ATG7: variants seen among roughly 807,000 people sequenced by gnomAD.
The protein encoded by ATG7 is autophagy related 7, also known as ubiquitin-like modifier-activating enzyme ATG7.
ATG7 carries 70 observed loss-of-function variants against 82.4 expected under a neutral mutation model. That is an observed-to-expected ratio of 0.85 (90% CI 0.70 to 1.04). The LOEUF is 1.04. ATG7 is among the 50% of genes least tolerant of loss of function. ATG7 has a pLI of 0.00. For synonymous variants in ATG7, 287 were observed against 313.0 expected (o/e 0.92, Z 0.88); for missense variants, 792 against 864.3 (o/e 0.92, Z 1.05).
chr3:11,398,094 A>T (rs1038650412), intron 19 of ATG7, among the ~76,000 whole-genome samples: 4 of 151,966 alleles, frequency 2.6e-5, no homozygotes, highest in African/African-American at 9.7e-5. Flanking sequence ...CAAAAAAAAA[A>T]AAGGAAAATT....
At chr3:11,325,671 C>CA (rs879330549) in intron 9 of ATG7, among the ~76,000 whole-genome samples, 4,661 of 103,612 alleles carry the variant, frequency 0.045, 183 homozygotes, top group African/African-American at 0.12. Context: ...AACTACATCT[C>CA]AAAAAAAAAA....
intron 10 of ATG7, 70 bp from the exon 11 acceptor site, chr3:11,332,902 A>T: frequency 7.4e-7 from 1 of 1,358,436 alleles, no homozygotes. Context: ...TGAAGCTCTT[A>T]TGTGAGCTTT....
At chr3:11,420,965 C>A (rs1476188681) in intron 19 of ATG7, among the ~76,000 whole-genome samples, 1 of 152,050 alleles carries the variant, frequency 6.6e-6, no homozygotes, top group African/African-American at 2.4e-5. Context: ...CCGTGTTAGC[C>A]AGGATGGTCT....
At chr3:11,369,183 A>G (rs2076832342) in intron 18 of ATG7, among the ~76,000 whole-genome samples, 1 of 150,946 alleles carries the variant, frequency 6.6e-6, no homozygotes, top group Non-Finnish European at 1.5e-5. Flanking sequence ...GTTCAGAAAT[A>G]CTTATCTCAG....
At chr3:11,417,695 CT>C (rs2081485440) in intron 19 of ATG7, among the ~76,000 whole-genome samples, 1 of 151,286 alleles carries the variant, frequency 6.6e-6, no homozygotes, top group South Asian at 2.1e-4. Flanking sequence ...ATATTTGTAA[CT>C]ATTTTCCATT....
chr3:11,304,301 A>G (rs1333449095), intron 5 of ATG7, among the ~76,000 whole-genome samples: 1 of 152,200 alleles, frequency 6.6e-6, no homozygotes, highest in Non-Finnish European at 1.5e-5. Context: ...TATTTGCTCA[A>G]TAACTGCCTA....
intron 9 of ATG7, among the ~76,000 whole-genome samples, chr3:11,329,484 TC>T (rs1438767445): frequency 6.6e-6 from 1 of 152,198 alleles, no homozygotes; most frequent in Non-Finnish European, 1.5e-5. Context: ...TCACCCCTAC[TC>T]ACTCTACATC....
At position 11,299,381 on chromosome 3, in the gene ATG7, A is replaced by G; in HGVS notation, c.180A>G (p.Pro60=). 2 of 1,612,222 alleles carry G rather than the reference A, an allele frequency of 1.2e-6. No individual in the cohort carries two copies. The highest frequency in any genetic ancestry group is 1.7e-6 in the Non-Finnish European group (2 of 1,178,254). The part of the protein sequence containing the change: ...YYYNGDSAGL[P]ARLTLEFSAF... ...GTCCAGGTGACTCTGCTGGGCTGCC[A>G]GCTCGCTTAACATTGGAGTTCAGTG... is the stretch of plus-strand genomic sequence containing the variant. The change falls in exon 5 of 21, where the codon CCA becomes CCG. Residue 60 remains proline, a synonymous_variant. Coordinates refer to ENST00000693202, the MANE Select transcript of ATG7 (RefSeq NM_001349232.2).
intron 20 of ATG7, among the ~76,000 whole-genome samples, chr3:11,452,431 G>C (rs2085290014): frequency 6.9e-6 from 1 of 144,700 alleles, no homozygotes; most frequent in South Asian, 2.2e-4. Flanking sequence ...GAATTAGATA[G>C]TGGTGATGGT....
chr3:11,523,787 C>A (rs1013734461), intron 20 of ATG7, among the ~76,000 whole-genome samples: 9 of 152,188 alleles, frequency 5.9e-5, no homozygotes. Context: ...ACAGCAGTTG[C>A]TAAATCCAGC....
At chr3:11,412,062 G>A (rs1031209117) in intron 19 of ATG7, among the ~76,000 whole-genome samples, 2 of 151,774 alleles carry the variant, frequency 1.3e-5, no homozygotes, top group South Asian at 2.1e-4. Context: ...TGAGACAAGT[G>A]TGGCCAAGAA....
intron 19 of ATG7, among the ~76,000 whole-genome samples, chr3:11,410,632 T>A (rs1475658851): frequency 3.3e-5 from 5 of 152,192 alleles, no homozygotes; most frequent in Non-Finnish European, 7.4e-5. Context: ...CTTTTCTAAG[T>A]CCCTCATAAG....
At chr3:11,439,265 C>T (rs1448279861) in intron 20 of ATG7, among the ~76,000 whole-genome samples, 2 of 151,732 alleles carry the variant, frequency 1.3e-5, no homozygotes, top group Admixed American at 6.6e-5. Flanking sequence ...GATGGGGTTT[C>T]GCCATGTTGG....
At chr3:11,323,781 A>G (rs75529549) in intron 9 of ATG7, among the ~76,000 whole-genome samples, 2 of 152,362 alleles carry the variant, frequency 1.3e-5, no homozygotes, top group East Asian at 3.9e-4. Flanking sequence ...ATCTCTCCGC[A>G]TCTTGGCAGC....
At position 11,347,781 on chromosome 3, in the gene ATG7, A is replaced by G. The variant is rs373690738; in HGVS notation, c.1126-96A>G. 62 of 1,343,698 alleles carry G rather than the reference A, an allele frequency of 4.6e-5. No homozygotes were observed. In the East Asian group the frequency reaches 8.7e-4, roughly 19 times the overall value. The allele number at this position is 1,343,698 out of a possible 1,614,324, so 83.2% of individuals were successfully genotyped here. ...AGTTTCTTGTGTTTTGAGGTTCCCA[A>G]GCTTCTCCAAACCAATATTCTTTTT... On this transcript the variant is annotated intron_variant, in intron 13 of 20. Coordinates refer to ENST00000693202, the MANE Select transcript of ATG7 (RefSeq NM_001349232.2).
At chr3:11,546,044 A>C (rs1274636927) in intron 20 of ATG7, among the ~76,000 whole-genome samples, 1 of 148,004 alleles carries the variant, frequency 6.8e-6, no homozygotes, top group Non-Finnish European at 1.5e-5. Flanking sequence ...AGGCTGAGGT[A>C]GGAGGATTGC....
intron 14 of ATG7, among the ~76,000 whole-genome samples, chr3:11,355,986 G>T (rs1410040969): frequency 6.6e-6 from 1 of 152,204 alleles, no homozygotes; most frequent in Admixed American, 6.5e-5. Context: ...CGAATGGAAT[G>T]TATTATTGAT....
At chr3:11,375,467 C>G (rs1277458814) in intron 18 of ATG7, among the ~76,000 whole-genome samples, 5 of 152,232 alleles carry the variant, frequency 3.3e-5, no homozygotes, top group Non-Finnish European at 5.9e-5. Flanking sequence ...CCATTTCATA[C>G]TCACTAGGAT....
At chr3:11,290,688 T>A in intron 3 of ATG7, 1 of 215,892 alleles carries the variant, frequency 4.6e-6, no homozygotes, top group Non-Finnish European at 9.6e-6. Flanking sequence ...ATGTCTGTTA[T>A]CTTCTTTTTT....
Sources: gnomAD v4.1 joint callset for allele counts (sites outside exome capture counted in the v4.1 genomes callset) on GRCh38, gnomAD v4.1.1 for gene constraint, MANE v1.5 for transcripts, NCBI Gene and HGNC (gene_info 2026-07-23, HGNC 2026-07-21) for gene names.